SYNE2: variants seen among roughly 807,000 people sequenced by gnomAD.
SYNE2 encodes nesprin-2.
A neutral mutation model predicts 856.3 loss-of-function variants in SYNE2; 431 were observed. The observed-to-expected ratio is 0.50, with a 90% CI of 0.47 to 0.55. The LOEUF is 0.55. Ranked by LOEUF, SYNE2 falls within the 20% of genes least tolerant of loss-of-function variation. The pLI, the probability that SYNE2 is intolerant of heterozygous loss-of-function variation, is 0.00. For synonymous variants in SYNE2, 2,923 were observed against 2,872.3 expected, an observed-to-expected ratio of 1.02 and a Z score of -0.56; for missense variants, 8,129 against 8,023.2, an observed-to-expected ratio of 1.01 and a Z score of -0.50.
At chr14:63,826,959 A>G (rs1889452804) in intron 1 of SYNE2, among the ~76,000 whole-genome samples, 1 of 152,142 alleles carries the variant, frequency 6.6e-6, no homozygotes. Flanking sequence ...TATACCTGAT[A>G]AATGTTTAGT....
chr14:63,999,067 G>C, intron 27 of SYNE2, 27 bp downstream of exon 27: 1 of 1,608,480 alleles, frequency 6.2e-7, no homozygotes, highest in Non-Finnish European at 8.5e-7. Context: ...TTATTTCTCT[G>C]ATTATCTTGT....
At position 64,010,058 on chromosome 14, in the gene SYNE2, T is replaced by A; in HGVS notation, c.4670T>A (p.Val1557Asp). The stretch of plus-strand genomic sequence containing the variant: ...ACTTTGATTCAAAAAGAAGAGAGTG[T>A]CATCTCCCTGCAGGCTTCGTACATG... ...LTTLIQKEES[V>D]ISLQASYMGK... Residue 1557 changes from valine to aspartate, a missense_variant, in exon 32 of 116, where the codon GTC becomes GAC. Physicochemically the swap from Val to Asp is radical, Grantham distance 152. This residue lies in a region of SYNE2 where 2,422 missense variants were observed against 2,357.4 expected (regional missense o/e 1.03). Transcript: ENST00000555002. 6.2e-7 allele frequency: 1 copy of A among 1,614,030 alleles called. No individual in the cohort carries two copies. The highest frequency in any genetic ancestry group is 8.5e-7 in the Non-Finnish European group (1 of 1,179,980).
intron 1 of SYNE2, among the ~76,000 whole-genome samples, chr14:63,877,589 T>G (rs2094755434): frequency 7.8e-6 from 1 of 127,424 alleles, no homozygotes; most frequent in African/African-American, 3.0e-5. Flanking sequence ...TATGGAATGC[T>G]TCTGAAGATC....
chr14:64,039,978 G>T lies in SYNE2; in HGVS notation c.7222-8022G>T, dbSNP rs563234317. On this transcript the variant is annotated intron_variant, in intron 45 of 115. Coordinates refer to ENST00000555002, the MANE Select transcript of SYNE2 (RefSeq NM_182914.3). ...TTCCAGTTACACATGGAAATAAGAG[G>T]TCTTGCATGAGAAACCTAAATCAAC... Among the ~76,000 whole-genome samples, 8 of 152,294 alleles carry T rather than the reference G, an allele frequency of 5.3e-5. No homozygotes were observed. In the South Asian group the frequency reaches 1.7e-3, roughly 32 times the overall value.
chr14:64,213,409 G>T (rs756837890), intron 105 of SYNE2, among the ~76,000 whole-genome samples: 1 of 152,130 alleles, frequency 6.6e-6, no homozygotes, highest in Non-Finnish European at 1.5e-5. Context: ...GTGCCTTTCT[G>T]ATGCTTTGTT....
chr14:64,039,956 C>T (rs939440702), intron 45 of SYNE2, among the ~76,000 whole-genome samples: 1 of 152,146 alleles, frequency 6.6e-6, no homozygotes, highest in Non-Finnish European at 1.5e-5. Flanking sequence ...CTTCTTTTTC[C>T]AGTTACACAT....
At chr14:64,100,586 A>C (rs1278773251) in intron 63 of SYNE2, among the ~76,000 whole-genome samples, 1 of 124,204 alleles carries the variant, frequency 8.1e-6, no homozygotes, top group African/African-American at 2.8e-5. Context: ...GACATGTATG[A>C]TGTTTTGATA....
At chr14:64,137,697 A>G (rs2098106227) in intron 78 of SYNE2, 90 bp from the exon 79 acceptor site, 6 of 1,346,246 alleles carry the variant, frequency 4.5e-6, no homozygotes, top group Middle Eastern at 4.0e-4. Flanking sequence ...ATCAGTGGAC[A>G]CAAATGTCAG....
chr14:64,038,518 C>T (rs542203235), intron 45 of SYNE2, among the ~76,000 whole-genome samples: 143 of 152,296 alleles, frequency 9.4e-4, no homozygotes, highest in African/African-American at 3.4e-3. Flanking sequence ...TGTAGCGAGC[C>T]GAGATCACGC....
At chr14:63,967,298 T>C (rs2096406835) in intron 10 of SYNE2, among the ~76,000 whole-genome samples, 1 of 152,270 alleles carries the variant, frequency 6.6e-6, no homozygotes. Context: ...AGCTCAGTTA[T>C]TCATGAACAC....
chr14:64,055,426 T>A (rs2097260583), intron 48 of SYNE2, among the ~76,000 whole-genome samples: 1 of 149,874 alleles, frequency 6.7e-6, no homozygotes, highest in Non-Finnish European at 1.5e-5. Context: ...TGGAGTGCAG[T>A]GGCGCGATCT....
chr14:63,791,904 A>G (rs904436845), intron 1 of SYNE2, among the ~76,000 whole-genome samples: 11 of 142,530 alleles, frequency 7.7e-5, no homozygotes, highest in African/African-American at 2.8e-4. Context: ...AGATCGCGCC[A>G]CCGCACTCCA....
intron 3 of SYNE2, among the ~76,000 whole-genome samples, chr14:63,940,943 A>G (rs1595766282): frequency 3.3e-5 from 5 of 152,346 alleles, no homozygotes; most frequent in Admixed American, 3.3e-4. Context: ...TCTTTCATCA[A>G]GTGAAGTAAT....
intron 43 of SYNE2, among the ~76,000 whole-genome samples, chr14:64,028,175 G>T (rs1231330727): frequency 6.6e-6 from 1 of 152,112 alleles, no homozygotes; most frequent in Admixed American, 6.5e-5. Flanking sequence ...AAAGTGCTGG[G>T]ACTACAGACG....
intron 45 of SYNE2, among the ~76,000 whole-genome samples, chr14:64,044,810 C>T (rs8018044): frequency 0.035 from 5,312 of 152,184 alleles, 313 homozygotes; most frequent in African/African-American, 0.12. Flanking sequence ...CCTTGCCTTC[C>T]GCCATGATTG....
At chr14:64,045,377 A>G (rs2097178512) in intron 45 of SYNE2, among the ~76,000 whole-genome samples, 1 of 148,828 alleles carries the variant, frequency 6.7e-6, no homozygotes, top group South Asian at 2.1e-4. Context: ...TGAATAACAG[A>G]TAAAGTGTTC....
chr14:64,158,213 C>T (rs2098300877), intron 85 of SYNE2, among the ~76,000 whole-genome samples: 1 of 152,186 alleles, frequency 6.6e-6, no homozygotes, highest in Admixed American at 6.5e-5. Context: ...TTTTCACAGA[C>T]ACTATTTTAT....
intron 7 of SYNE2, 59 bp from the exon 8 acceptor site, chr14:63,954,660 G>T: frequency 1.4e-6 from 2 of 1,451,940 alleles, no homozygotes; most frequent in Non-Finnish European, 1.9e-6. Flanking sequence ...GAATATAGTG[G>T]AGGGGGGTGT....
intron 1 of SYNE2, among the ~76,000 whole-genome samples, chr14:63,807,209 G>A (rs1310646587): frequency 6.6e-6 from 1 of 152,090 alleles, no homozygotes; most frequent in Non-Finnish European, 1.5e-5. Context: ...ATGGTGGCAT[G>A]TGCCTGTAGT....
Sources: gnomAD v4.1 joint callset for allele counts (sites outside exome capture counted in the v4.1 genomes callset) on GRCh38, gnomAD v4.1.1 for gene constraint, gnomAD v4.1.1 regional missense constraint, MANE v1.5 for transcripts, NCBI Gene and HGNC (gene_info 2026-07-23, HGNC 2026-07-21) for gene names.